Variants in DYNC2H1 observed in about 807,000 individuals in gnomAD.
DYNC2H1 encodes the protein cytoplasmic dynein 2 heavy chain 1.
A neutral mutation model predicts 570.0 loss-of-function variants in DYNC2H1; 410 were observed. The ratio of observed to expected loss-of-function variants is 0.72; its 90% CI spans 0.66 to 0.78. The LOEUF is 0.78. DYNC2H1 is among the 30% of genes least tolerant of loss of function. The pLI is 0.00. For missense variants in DYNC2H1, 4,865 were observed against 5,046.4 expected (o/e 0.96, Z 1.09); for synonymous variants, 1,688 against 1,677.6 (o/e 1.01, Z -0.15).
chr11:103,319,918 C>A lies in DYNC2H1; in HGVS notation c.11726-1111C>A, dbSNP rs1411927527. Among the ~76,000 whole-genome samples the A allele has an allele frequency of 6.6e-6, 1 of 152,128 alleles. No individual in the cohort carries two copies. The highest frequency in any genetic ancestry group is 1.5e-5 in the Non-Finnish European group (1 of 68,008). On this transcript the variant is annotated intron_variant, in intron 80 of 88. Coordinates refer to ENST00000375735, the MANE Select transcript of DYNC2H1 (RefSeq NM_001377.3). The surrounding 1 kb of genome is among the most constrained non-coding windows in gnomAD (Gnocchi z 4.3). ...ACTATAAGATGTAGGCAGATAACAA[C>A]TTTATTCTTCCACTATATAGGTCCC...
At chr11:103,180,173 A>G (rs545826050) in intron 39 of DYNC2H1, among the ~76,000 whole-genome samples, 2 of 151,856 alleles carry the variant, frequency 1.3e-5, no homozygotes, top group East Asian at 3.9e-4. Context: ...ACAATTTATC[A>G]TATTTATTAA....
chr11:103,122,513 C>G (rs1463410118), intron 10 of DYNC2H1, among the ~76,000 whole-genome samples: 1 of 152,180 alleles, frequency 6.6e-6, no homozygotes, highest in Non-Finnish European at 1.5e-5. Flanking sequence ...TGCTGAAGTT[C>G]TCAGAGTTTC....
At chr11:103,400,020 A>G in intron 84 of DYNC2H1, 148 bp downstream of exon 84, 1 of 659,432 alleles carries the variant, frequency 1.5e-6, no homozygotes, top group South Asian at 2.3e-5. Flanking sequence ...TGACTGATGT[A>G]ACTGAAGAAT....
chr11:103,338,634 A>G (rs1394464761), intron 82 of DYNC2H1, among the ~76,000 whole-genome samples: 3 of 152,126 alleles, frequency 2.0e-5, no homozygotes, highest in South Asian at 4.1e-4. Context: ...CAGTTTGTCA[A>G]TTGAATTTTT....
At chr11:103,455,466 A>G (rs1320185539) in intron 86 of DYNC2H1, among the ~76,000 whole-genome samples, 171 bp downstream of exon 86, 1 of 152,190 alleles carries the variant, frequency 6.6e-6, no homozygotes, top group East Asian at 1.9e-4. Context: ...TTTAGCTTAA[A>G]AAGCATTGCT....
At chr11:103,340,475 C>A (rs928142064) in intron 82 of DYNC2H1, among the ~76,000 whole-genome samples, 11 of 152,300 alleles carry the variant, frequency 7.2e-5, no homozygotes, top group African/African-American at 2.2e-4. Flanking sequence ...AGTAATTCTT[C>A]ACAGCAGTAA....
rs1861797128 is a variant in DYNC2H1, at chr11:103,176,132, G to T, written c.5675-103G>T. On this transcript the variant is annotated intron_variant, in intron 36 of 88. Coordinates refer to ENST00000375735, the MANE Select transcript of DYNC2H1 (RefSeq NM_001377.3). Reference sequence around the variant, plus strand: ...TCTTTAAATGTTACTAAATTCTAGTGCATTTAATGATTAATAATGCATATC... The same window carrying T: ...TCTTTAAATGTTACTAAATTCTAGTTCATTTAATGATTAATAATGCATATC... 3.7e-6 allele frequency: 3 copies of T among 816,368 alleles called. No homozygotes were observed. The South Asian group carries it at 7.5e-5, about 20-fold the overall frequency. 50.6% of individuals were successfully genotyped at this position (816,368 alleles called of 1,614,324 possible). A position where few individuals can be genotyped will look rare whatever the true frequency, so the allele number is the denominator to read the frequency against.
At chr11:103,273,223 T>G (rs1865779567) in intron 70 of DYNC2H1, among the ~76,000 whole-genome samples, 1 of 151,760 alleles carries the variant, frequency 6.6e-6, no homozygotes, top group Admixed American at 6.6e-5. Context: ...AGAGTCTTGC[T>G]CTATTGCCCA....
intron 40 of DYNC2H1, among the ~76,000 whole-genome samples, chr11:103,183,580 C>G (rs1017686677): frequency 2.6e-5 from 4 of 151,890 alleles, no homozygotes; most frequent in Non-Finnish European, 4.4e-5. Flanking sequence ...AATGAATTCT[C>G]TAGTCAAATG....
At chr11:103,293,516 C>T (rs993678287) in intron 75 of DYNC2H1, among the ~76,000 whole-genome samples, 1 of 152,064 alleles carries the variant, frequency 6.6e-6, no homozygotes, top group African/African-American at 2.4e-5. Flanking sequence ...ATATCCTGAT[C>T]TCTTTCTTTA....
chr11:103,358,322 T>G lies in DYNC2H1; in HGVS notation c.12119T>G (p.Leu4040Arg), dbSNP rs1357976204. The change falls in exon 83 of 89, where the codon CTT becomes CGT. Residue 4040 changes from leucine (L) to arginine (R), a missense_variant. By Grantham distance (102) the Leu-to-Arg change is moderately radical (BLOSUM62 -2). This residue lies in a region of DYNC2H1 where 2,401 missense variants were observed against 2,454.6 expected (regional missense o/e 0.98). Transcript: ENST00000375735. Reference protein sequence around the residue: ...KFDREIWSNELSPVLNLWKKL... With the variant: ...KFDREIWSNERSPVLNLWKKL... ...GATAGAGAAATCTGGTCTAATGAACTTTCTCCTGTCCTCAATCTCTGGAAG... is the reference window on the plus strand; with the variant it reads ...GATAGAGAAATCTGGTCTAATGAACGTTCTCCTGTCCTCAATCTCTGGAAG... 6.3e-7 allele frequency: 1 copy of G among 1,586,036 alleles called. No individual in the cohort carries two copies. Among genetic ancestry groups the G allele is most frequent in the Non-Finnish European group, 8.6e-7 (1 of 1,164,532 alleles).
intron 70 of DYNC2H1, among the ~76,000 whole-genome samples, chr11:103,265,580 T>G (rs1175221252): frequency 1.3e-5 from 2 of 152,232 alleles, no homozygotes; most frequent in Non-Finnish European, 2.9e-5. Context: ...TTAGCTTTCT[T>G]GGATTGCCTT....
At chr11:103,454,604 C>T (rs746588213) in intron 85 of DYNC2H1, among the ~76,000 whole-genome samples, 6 of 152,146 alleles carry the variant, frequency 3.9e-5, no homozygotes, top group Non-Finnish European at 7.4e-5. Flanking sequence ...AAGTGTTACA[C>T]AGACTTTCTG....
At position 103,186,760 on chromosome 11, in the gene DYNC2H1, C is replaced by CAAAA. The variant is rs200752422; in HGVS notation, c.6893+270_6893+273dup. ...AAAATTATCCGTCCATATAATACAG[C>CAAAA]AAAAAAAAAAAAAAGAATGCCTTAT... On this transcript the variant is annotated intron_variant, in intron 42 of 88. Transcript: ENST00000375735. This position sits in a 1 kb window ranked among gnomAD's most constrained non-coding sequence, Gnocchi z 4.5. Among the ~76,000 whole-genome samples, 399 of 136,270 alleles carry CAAAA rather than the reference C, an allele frequency of 2.9e-3. 4 individuals carry two copies. The highest frequency in any genetic ancestry group is 0.024 in the East Asian group (113 of 4,720). 89.4% of individuals were successfully genotyped at this position (136,270 alleles called of 152,430 possible).
intron 84 of DYNC2H1, among the ~76,000 whole-genome samples, chr11:103,410,873 C>T (rs138113723): frequency 9.2e-5 from 14 of 152,218 alleles, no homozygotes; most frequent in Admixed American, 5.2e-4. Flanking sequence ...ATAGCTTAAA[C>T]GTTCATTTAT....
intron 84 of DYNC2H1, among the ~76,000 whole-genome samples, chr11:103,425,429 G>C (rs1943632819): frequency 6.6e-6 from 1 of 152,046 alleles, no homozygotes; most frequent in African/African-American, 2.4e-5. Flanking sequence ...ATGGTGGAAA[G>C]AGTGCAGGCT....
chr11:103,476,005 A>T (rs1945536123), intron 88 of DYNC2H1, among the ~76,000 whole-genome samples: 1 of 152,210 alleles, frequency 6.6e-6, no homozygotes, highest in Admixed American at 6.5e-5. Flanking sequence ...TCCCAGGATT[A>T]AAAATAGGCA....
At chr11:103,310,130 T>C (rs1189082229) in intron 78 of DYNC2H1, among the ~76,000 whole-genome samples, 6 of 152,130 alleles carry the variant, frequency 3.9e-5, no homozygotes, top group Admixed American at 3.9e-4. Context: ...TTTCGATTAG[T>C]TGTCAGAGTT....
chr11:103,473,188 A>G (rs1235518554), intron 88 of DYNC2H1, among the ~76,000 whole-genome samples: 3 of 152,198 alleles, frequency 2.0e-5, no homozygotes, highest in African/African-American at 7.2e-5. Flanking sequence ...AATAAATAAA[A>G]TGCTGATGAA....
Sources: allele counts gnomAD v4.1 joint callset (sites outside exome capture counted in the v4.1 genomes callset), GRCh38; gene constraint gnomAD v4.1.1; regional missense constraint gnomAD v4.1.1; non-coding constraint Gnocchi (gnomAD v3.1); transcripts MANE v1.5; gene names NCBI Gene and HGNC (gene_info 2026-07-23, HGNC 2026-07-21).